Variants in NR6A1 observed in about 807,000 individuals in gnomAD.
NR6A1 encodes nuclear receptor subfamily 6 group A member 1.
Under a neutral mutation model 59.1 loss-of-function variants are expected in NR6A1, and 7 were observed. That is an observed-to-expected ratio of 0.12 (90% CI 0.07 to 0.22). The LOEUF (loss-of-function observed/expected upper bound fraction) is 0.22. NR6A1 is among the 10% of genes least tolerant of loss of function. The pLI is 1.00. For missense variants in NR6A1, 468 were observed against 611.6 expected (o/e 0.77, Z 2.48); for synonymous variants, 243 against 236.1 (o/e 1.03, Z -0.27).
At chr9:124,599,544 T>C (rs1052750249) in intron 2 of NR6A1, 2 of 652,326 alleles carry the variant, frequency 3.1e-6, no homozygotes, top group Admixed American at 2.8e-5. Flanking sequence ...TCAATGGAAG[T>C]ATCGTGGTCT....
At chr9:124,622,048 T>C (rs1836092570) in intron 2 of NR6A1, among the ~76,000 whole-genome samples, 2 of 152,110 alleles carry the variant, frequency 1.3e-5, no homozygotes, top group South Asian at 2.1e-4. Context: ...ACCCCGTCTC[T>C]AACAAAAATA....
intron 1 of NR6A1, among the ~76,000 whole-genome samples, chr9:124,765,228 T>C (rs1840897255): frequency 6.6e-6 from 1 of 152,234 alleles, no homozygotes; most frequent in Non-Finnish European, 1.5e-5. Flanking sequence ...GAATGAAAAC[T>C]ACTCCATTGC....
chr9:124,536,802 A>G (rs1833280731), intron 6 of NR6A1, among the ~76,000 whole-genome samples: 1 of 152,222 alleles, frequency 6.6e-6, no homozygotes, highest in South Asian at 2.1e-4. Context: ...AATGGGGTGG[A>G]TCTGATGCCC....
At chr9:124,546,598 A>G (rs1021569794) in intron 3 of NR6A1, among the ~76,000 whole-genome samples, 5 of 152,360 alleles carry the variant, frequency 3.3e-5, no homozygotes, top group Non-Finnish European at 5.9e-5. Context: ...AAAATAAAAC[A>G]GAACAAAGTT....
chr9:124,758,066 G>A (rs1436256011), intron 1 of NR6A1, among the ~76,000 whole-genome samples: 1 of 152,170 alleles, frequency 6.6e-6, no homozygotes, highest in East Asian at 1.9e-4. Flanking sequence ...AGTCAGTTCT[G>A]AATTCCAGGG....
intron 2 of NR6A1, among the ~76,000 whole-genome samples, chr9:124,652,492 A>G (rs1837135610): frequency 6.6e-6 from 1 of 152,208 alleles, no homozygotes; most frequent in African/African-American, 2.4e-5. Context: ...AATTAATTCA[A>G]AAACCAATGT....
intron 2 of NR6A1, among the ~76,000 whole-genome samples, chr9:124,701,306 T>C (rs1838944277): frequency 6.6e-6 from 1 of 152,242 alleles, no homozygotes. Context: ...CCAATTTTAA[T>C]TTGCATCTCC....
At position 124,526,900 on chromosome 9, in the gene NR6A1, T is replaced by C. The variant is rs142275115; in HGVS notation, c.1080A>G (p.Arg360=). ...KYSPSDEELH[R]FSDEGMEVIE... ...TCACCTCCATCCCTTCATCACTAAATCTGAGGAACAGACACAGGTGTTAAC... is the reference window on the plus strand; with the variant it reads ...TCACCTCCATCCCTTCATCACTAAACCTGAGGAACAGACACAGGTGTTAAC... Residue 360 remains arginine (R), a splice_region_variant and synonymous_variant, in exon 8 of 10, where the codon AGA becomes AGG. Coordinates refer to ENST00000487099, the MANE Select transcript of NR6A1 (RefSeq NM_033334.4). 3.3e-5 allele frequency: 53 copies of C among 1,613,680 alleles called. No homozygotes were observed. The highest frequency in any genetic ancestry group is 4.2e-5 in the Non-Finnish European group (49 of 1,179,794).
intron 2 of NR6A1, among the ~76,000 whole-genome samples, chr9:124,684,238 C>T (rs1007922113): frequency 2.0e-5 from 3 of 152,172 alleles, no homozygotes; most frequent in Admixed American, 6.5e-5. Context: ...GGATGCATCA[C>T]CAACAGCCGG....
intron 2 of NR6A1, among the ~76,000 whole-genome samples, chr9:124,611,774 A>AGAGAGAGAGAGAGAGAGACT (rs148472095): frequency 1.9e-5 from 2 of 105,724 alleles, no homozygotes; most frequent in Admixed American, 1.1e-4. Context: ...AGAGAGAGAG[A>AGAGAGAGAGAGAGAGAGACT]GAGAGAGAAT....
At chr9:124,665,097 G>A (rs570153364) in intron 2 of NR6A1, among the ~76,000 whole-genome samples, 56 of 150,602 alleles carry the variant, frequency 3.7e-4, no homozygotes, top group African/African-American at 1.2e-3. Flanking sequence ...AGGAGGCTAA[G>A]GCAGGAGGAT....
At chr9:124,590,284 T>A (rs1304791030) in intron 2 of NR6A1, among the ~76,000 whole-genome samples, 1 of 151,862 alleles carries the variant, frequency 6.6e-6, no homozygotes, top group African/African-American at 2.4e-5. Context: ...TAAAATATTC[T>A]ATTTTGCAGC....
At chr9:124,659,140 G>T (rs1243440732) in intron 2 of NR6A1, among the ~76,000 whole-genome samples, 1 of 152,166 alleles carries the variant, frequency 6.6e-6, no homozygotes, top group Non-Finnish European at 1.5e-5. Context: ...CACTTGTGCC[G>T]CCTGGGGCGG....
At chr9:124,750,061 G>GTC (rs1840451709) in intron 1 of NR6A1, among the ~76,000 whole-genome samples, 1 of 152,288 alleles carries the variant, frequency 6.6e-6, no homozygotes, top group South Asian at 2.1e-4. Flanking sequence ...TGAGAAGAAC[G>GTC]TATTTGTAAG....
At chr9:124,597,858 T>C (rs1835322726) in intron 2 of NR6A1, among the ~76,000 whole-genome samples, 1 of 152,154 alleles carries the variant, frequency 6.6e-6, no homozygotes, top group South Asian at 2.1e-4. Context: ...TATTTTTTTA[T>C]TTGAGACAGG....
At chr9:124,767,905 A>G (rs192228577) in intron 1 of NR6A1, among the ~76,000 whole-genome samples, 516 of 152,352 alleles carry the variant, frequency 3.4e-3, no homozygotes, top group Middle Eastern at 0.017. Flanking sequence ...AAATGAACAA[A>G]TGCAATATTC....
chr9:124,538,338 C>T lies in NR6A1; in HGVS notation c.597-19G>A, dbSNP rs752843484. ...AGACCTACTGGAGAGAAAAGTCTTG[C>T]GTCAAACAGAGCCATGGCAAGTCTA... On this transcript the variant is annotated intron_variant, in intron 5 of 9. Coordinates refer to ENST00000487099, the MANE Select transcript of NR6A1 (RefSeq NM_033334.4). 1.4e-5 allele frequency: 23 copies of T among 1,589,556 alleles called. No individual in the cohort carries two copies. The highest frequency in any genetic ancestry group is 3.4e-5 in the Admixed American group (2 of 59,336).
intron 1 of NR6A1, among the ~76,000 whole-genome samples, chr9:124,749,080 T>C (rs1840422245): frequency 6.6e-6 from 1 of 151,938 alleles, no homozygotes; most frequent in Non-Finnish European, 1.5e-5. Context: ...CTGACCAACA[T>C]GGAGAAACTC....
intron 2 of NR6A1, among the ~76,000 whole-genome samples, chr9:124,588,715 C>A (rs188261770): frequency 6.8e-6 from 1 of 148,134 alleles, no homozygotes; most frequent in African/African-American, 2.5e-5. Context: ...GTCAGGAGAT[C>A]GACACCATCC....
Sources: allele counts gnomAD v4.1 joint callset (sites outside exome capture counted in the v4.1 genomes callset), GRCh38; gene constraint gnomAD v4.1.1; transcripts MANE v1.5; gene names NCBI Gene and HGNC (gene_info 2026-07-23, HGNC 2026-07-21).